The following LAMA2 variants were observed in gnomAD, a reference collection of about 807,000 sequenced individuals.
LAMA2 encodes the protein laminin subunit alpha-2.
In LAMA2, 269 loss-of-function variants were observed where a neutral mutation model predicts 364.8. The observed-to-expected ratio is 0.74, with a 90% CI of 0.67 to 0.82. The LOEUF is 0.82. Ranked by LOEUF, LAMA2 falls within the 40% of genes least tolerant of loss-of-function variation. The pLI is 0.00. For missense variants in LAMA2, 3,807 were observed against 3,873.2 expected (o/e 0.98, Z 0.45); for synonymous variants, 1,379 against 1,370.6 (o/e 1.01, Z -0.14).
chr6:129,513,987 C>T (rs761840736), intron 63 of LAMA2, among the ~76,000 whole-genome samples: 1 of 152,178 alleles, frequency 6.6e-6, no homozygotes, highest in Non-Finnish European at 1.5e-5. Context: ...TAAACAATAT[C>T]TTTTAAGAAA....
At chr6:129,125,911 A>G (rs922586827) in intron 4 of LAMA2, among the ~76,000 whole-genome samples, 1 of 152,200 alleles carries the variant, frequency 6.6e-6, no homozygotes, top group Non-Finnish European at 1.5e-5. Context: ...ATAAATTTAC[A>G]TAATTAGAAA....
At chr6:129,349,277 A>G (rs1776727027) in intron 30 of LAMA2, 21 bp from the exon 31 acceptor site, 6 of 1,602,754 alleles carry the variant, frequency 3.7e-6, no homozygotes, top group South Asian at 1.1e-5. Flanking sequence ...TTTTTTTGCA[A>G]TCCTTTTCTT....
At chr6:129,261,863 G>C (rs1417987850) in intron 15 of LAMA2, among the ~76,000 whole-genome samples, 1 of 151,962 alleles carries the variant, frequency 6.6e-6, no homozygotes, top group African/African-American at 2.4e-5. Context: ...AATTCATGTA[G>C]ATGAGAGAAA....
At chr6:129,344,971 G>A (rs1282130642) in intron 30 of LAMA2, among the ~76,000 whole-genome samples, 2 of 152,214 alleles carry the variant, frequency 1.3e-5, no homozygotes, top group Non-Finnish European at 2.9e-5. Context: ...GTTCAAATCT[G>A]TCTCCCTAAT....
chr6:129,386,440 G>A (rs960922821), intron 35 of LAMA2, among the ~76,000 whole-genome samples: 1 of 151,740 alleles, frequency 6.6e-6, no homozygotes, highest in Non-Finnish European at 1.5e-5. Context: ...TCCTTTTTTG[G>A]TGGGGGAGAT....
chr6:129,274,667 T>C (rs1195945730), intron 17 of LAMA2, among the ~76,000 whole-genome samples: 2 of 152,004 alleles, frequency 1.3e-5, no homozygotes, highest in African/African-American at 4.8e-5. Flanking sequence ...ATTATACATA[T>C]ATATCAACTT....
intron 1 of LAMA2, among the ~76,000 whole-genome samples, chr6:128,956,913 T>C (rs1053923011): frequency 1.3e-5 from 2 of 152,064 alleles, no homozygotes; most frequent in African/African-American, 4.8e-5. Context: ...TAAATTCCTC[T>C]CTGAGACACA....
chr6:129,320,511 A>G (rs775946731), intron 27 of LAMA2, 27 bp from the exon 28 acceptor site: 1 of 1,281,020 alleles, frequency 7.8e-7, no homozygotes, highest in Non-Finnish European at 1.1e-6. Flanking sequence ...TGTCATAGTA[A>G]TCTAAGTACA....
At chr6:129,367,388 A>T (rs1187972720) in intron 33 of LAMA2, among the ~76,000 whole-genome samples, 2 of 152,250 alleles carry the variant, frequency 1.3e-5, no homozygotes, top group East Asian at 3.8e-4. Flanking sequence ...AAAAATAATC[A>T]TTAAACAATA....
chr6:128,912,272 CAT>C (rs908552988), intron 1 of LAMA2, among the ~76,000 whole-genome samples: 1 of 152,132 alleles, frequency 6.6e-6, no homozygotes, highest in Non-Finnish European at 1.5e-5. Context: ...CTTCTATCAA[CAT>C]ATGTGTTTGG....
intron 1 of LAMA2, among the ~76,000 whole-genome samples, chr6:128,977,988 A>G (rs1782636794): frequency 6.6e-6 from 1 of 152,168 alleles, no homozygotes; most frequent in African/African-American, 2.4e-5. Flanking sequence ...TCCTTCTTTT[A>G]AAGAGAAATT....
chr6:129,454,085 A>T, intron 46 of LAMA2, 70 bp from the exon 47 acceptor site: 2 of 1,337,378 alleles, frequency 1.5e-6, no homozygotes, highest in Non-Finnish European at 1.1e-6. Flanking sequence ...ATTGAAAAAC[A>T]CTCTGCTGGT....
intron 12 of LAMA2, among the ~76,000 whole-genome samples, chr6:129,242,134 A>T (rs1202639439): frequency 6.6e-6 from 1 of 152,178 alleles, no homozygotes; most frequent in Non-Finnish European, 1.5e-5. Flanking sequence ...ATTGCCTACA[A>T]GGCAAGATGA....
intron 10 of LAMA2, among the ~76,000 whole-genome samples, chr6:129,183,379 TTATAA>T (rs1163762140): frequency 6.6e-6 from 1 of 151,988 alleles, no homozygotes; most frequent in East Asian, 1.9e-4. Context: ...TATCAAAGTC[TTATAA>T]TAGAAAGATA....
At chr6:129,252,820 GAACTTTGGAGCCAAACTGAATAGA>G (rs1786363913) in intron 14 of LAMA2, among the ~76,000 whole-genome samples, 1 of 152,158 alleles carries the variant, frequency 6.6e-6, no homozygotes, top group Non-Finnish European at 1.5e-5. Context: ...GAAAGAATAT[GAACTTTGGAGCCAAACTGAATAGA>G]AATTCAATAA....
Position 129,144,614 on chromosome 6 carries a change from C to T in LAMA2, c.819+534C>T, listed in dbSNP as rs1196468807. Among the ~76,000 whole-genome samples, 10 of 151,900 alleles carry T rather than the reference C, an allele frequency of 6.6e-5. No homozygotes were observed. In the East Asian group the frequency reaches 9.7e-4, roughly 15 times the overall value. ...ATGATTCAGTAGGGCAGAGCTGAGACGCTGCACTTCAAAAACTTTCCAGGT... is the reference window on the plus strand; with the variant it reads ...ATGATTCAGTAGGGCAGAGCTGAGATGCTGCACTTCAAAAACTTTCCAGGT... On this transcript the variant is annotated intron_variant, in intron 5 of 64. Coordinates refer to ENST00000421865, the MANE Select transcript of LAMA2 (RefSeq NM_000426.4).
At chr6:129,142,730 A>G (rs1367728531) in intron 4 of LAMA2, among the ~76,000 whole-genome samples, 1 of 152,008 alleles carries the variant, frequency 6.6e-6, no homozygotes, top group Non-Finnish European at 1.5e-5. Flanking sequence ...CTGTAAATGT[A>G]AGAGGTATGT....
chr6:129,169,029 T>A lies in LAMA2; in HGVS notation c.1306+3354T>A, dbSNP rs1359023493. ...TTGATTTTGTATCCTGAGACTTTGC[T>A]GAAGTTGCTTATCAGCTTAAGGAGA... On this transcript the variant is annotated intron_variant, in intron 9 of 64. Transcript: ENST00000421865. Among the ~76,000 whole-genome samples, 4 of 152,242 alleles carry A rather than the reference T, an allele frequency of 2.6e-5. No individual in the cohort carries two copies. The East Asian group carries it at 7.7e-4, about 29-fold the overall frequency.
At chr6:129,130,969 A>G (rs959035977) in intron 4 of LAMA2, among the ~76,000 whole-genome samples, 1 of 152,338 alleles carries the variant, frequency 6.6e-6, no homozygotes, top group Admixed American at 6.5e-5. Context: ...AGCAACATTC[A>G]TTATAATTTT....
Sources: gnomAD v4.1 joint callset for allele counts (sites outside exome capture counted in the v4.1 genomes callset) on GRCh38, gnomAD v4.1.1 for gene constraint, MANE v1.5 for transcripts, NCBI Gene and HGNC (gene_info 2026-07-23, HGNC 2026-07-21) for gene names.